KCNJ16: variants seen among roughly 807,000 people sequenced by gnomAD.
KCNJ16 encodes potassium inwardly rectifying channel subfamily J member 16.
KCNJ16 carries 15 observed loss-of-function variants against 18.5 expected under a neutral mutation model. The ratio of observed to expected loss-of-function variants is 0.81; its 90% CI spans 0.54 to 1.25. KCNJ16 has a LOEUF of 1.25. Among genes scored for constraint, KCNJ16 ranks in the 50% most tolerant of loss-of-function variants. KCNJ16 has a pLI of 0.00. For missense variants in KCNJ16, 523 were observed against 525.7 expected (o/e 0.99, Z 0.05); for synonymous variants, 174 against 186.5 (o/e 0.93, Z 0.55).
intron 2 of KCNJ16, among the ~76,000 whole-genome samples, chr17:70,103,089 C>G (rs1299536006): frequency 6.8e-6 from 1 of 146,796 alleles, no homozygotes; most frequent in African/African-American, 2.5e-5. Flanking sequence ...TGTGCACCAT[C>G]ATCCAGCTTA....
At chr17:70,129,768 C>G (rs1012371334) in intron 2 of KCNJ16, among the ~76,000 whole-genome samples, 1 of 152,090 alleles carries the variant, frequency 6.6e-6, no homozygotes, top group African/African-American at 2.4e-5. Context: ...CAAATTTGTT[C>G]ACTTGTAACT....
intron 2 of KCNJ16, among the ~76,000 whole-genome samples, chr17:70,118,547 A>G (rs1001545173): frequency 2.0e-5 from 3 of 152,144 alleles, no homozygotes; most frequent in Non-Finnish European, 2.9e-5. Flanking sequence ...GGAAACTTAC[A>G]AAATGGTGGA....
At chr17:70,119,748 T>G (rs2073556502) in intron 2 of KCNJ16, among the ~76,000 whole-genome samples, 1 of 152,344 alleles carries the variant, frequency 6.6e-6, no homozygotes, top group East Asian at 1.9e-4. Flanking sequence ...CCTAGACCTT[T>G]GGGCCTGTGA....
chr17:70,081,376 C>G (rs548776964), intron 1 of KCNJ16, among the ~76,000 whole-genome samples: 1 of 152,188 alleles, frequency 6.6e-6, no homozygotes, highest in South Asian at 2.1e-4. Context: ...TATTAGATAA[C>G]AGTATTGAGC....
chr17:70,100,142 T>C (rs2072559865), intron 1 of KCNJ16, among the ~76,000 whole-genome samples: 1 of 152,194 alleles, frequency 6.6e-6, no homozygotes, highest in African/African-American at 2.4e-5. Flanking sequence ...TGTTTGGGTC[T>C]ATCTGAAGGC....
At position 70,133,958 on chromosome 17, in the gene KCNJ16, T is replaced by G. The variant is rs1239411601; in HGVS notation, c.*614T>G. The G allele has an allele frequency of 6.0e-6, 1 of 167,210 alleles. No homozygotes were observed. Among genetic ancestry groups the G allele is most frequent in the African/African-American group, 2.4e-5 (1 of 41,454 alleles). The allele number at this position is 167,210 out of a possible 1,614,324, so 10.4% of individuals were successfully genotyped here. ...ATTCCACTGCTACTTGCCCAGGTAG[T>G]GATCAGTGAGAGTTAGAAGCAATTT... is the stretch of plus-strand genomic sequence containing the variant. On this transcript the variant is annotated 3_prime_UTR_variant, in exon 4 of 4. Transcript: ENST00000392671.
intron 1 of KCNJ16, among the ~76,000 whole-genome samples, chr17:70,085,082 G>A (rs777094874): frequency 1.7e-4 from 26 of 152,134 alleles, no homozygotes; most frequent in Non-Finnish European, 2.6e-4. Flanking sequence ...AATGACAGGT[G>A]AGCTCATCAT....
At chr17:70,110,480 G>GCACACACACACACACACACACA (rs1337834954) in intron 2 of KCNJ16, among the ~76,000 whole-genome samples, 68 of 151,116 alleles carry the variant, frequency 4.5e-4, no homozygotes, top group Admixed American at 1.8e-3. Flanking sequence ...CACTTCGTGC[G>GCACACACACACACACACACACA]CGCACACACA....
At chr17:70,111,773 A>G (rs2144015452) in intron 2 of KCNJ16, among the ~76,000 whole-genome samples, 1 of 152,176 alleles carries the variant, frequency 6.6e-6, no homozygotes, top group Non-Finnish European at 1.5e-5. Context: ...TGATGGTTTT[A>G]TAAGGGGAAA....
chr17:70,114,523 C>T (rs930395877), intron 2 of KCNJ16, among the ~76,000 whole-genome samples: 3 of 152,132 alleles, frequency 2.0e-5, no homozygotes, highest in African/African-American at 7.2e-5. Context: ...TACAAAACTA[C>T]ATGGGAGCTA....
chr17:70,125,712 C>T (rs111331910), intron 2 of KCNJ16, among the ~76,000 whole-genome samples: 1,928 of 152,190 alleles, frequency 0.013, 45 homozygotes, highest in African/African-American at 0.043. Context: ...GGGTGGATCA[C>T]GAGGTCAAGA....
At chr17:70,103,970 C>G (rs1437748697) in intron 2 of KCNJ16, among the ~76,000 whole-genome samples, 2 of 111,796 alleles carry the variant, frequency 1.8e-5, no homozygotes, top group Non-Finnish European at 3.5e-5. Context: ...GGATTTCATT[C>G]TGTCACCTGG....
intron 2 of KCNJ16, chr17:70,102,282 C>A (rs993402999): frequency 5.2e-5 from 6 of 114,404 alleles, no homozygotes; most frequent in Non-Finnish European, 8.1e-5. Flanking sequence ...GGCTGGAGTG[C>A]AGTGGCACAA....
chr17:70,119,158 G>C (rs2073532890), intron 2 of KCNJ16, among the ~76,000 whole-genome samples: 1 of 152,228 alleles, frequency 6.6e-6, no homozygotes. Context: ...CACATCCAGA[G>C]CACGCTGGTG....
intron 2 of KCNJ16, among the ~76,000 whole-genome samples, chr17:70,129,600 C>A (rs1186381408): frequency 6.6e-6 from 1 of 152,108 alleles, no homozygotes; most frequent in Non-Finnish European, 1.5e-5. Flanking sequence ...GTGTATAGAC[C>A]TAAACAGAAT....
At chr17:70,094,513 T>C (rs1374679614) in intron 1 of KCNJ16, among the ~76,000 whole-genome samples, 1 of 152,184 alleles carries the variant, frequency 6.6e-6, no homozygotes, top group Non-Finnish European at 1.5e-5. Flanking sequence ...AATAAAAGTA[T>C]GTATTTTATC....
intron 1 of KCNJ16, among the ~76,000 whole-genome samples, chr17:70,080,879 T>C (rs1328399104): frequency 6.6e-6 from 1 of 152,194 alleles, no homozygotes. Flanking sequence ...AATTGTTCGC[T>C]AGATCTCCGA....
At position 70,077,245 on chromosome 17, in the gene KCNJ16, A is replaced by G. The variant is rs2071355150; in HGVS notation, c.-300+1855A>G. Among the ~76,000 whole-genome samples the G allele has an allele frequency of 6.6e-5, 10 of 152,364 alleles. No individual in the cohort carries two copies. In the South Asian group the frequency reaches 1.7e-3, roughly 25 times the overall value. On this transcript the variant is annotated intron_variant, in intron 1 of 3. Coordinates refer to ENST00000392671, the MANE Select transcript of KCNJ16 (RefSeq NM_170741.4). ...CAAGACAGATACGATTCTGCAAGCT[A>G]CAAGTGTCAGAGAAGGTTTTTGAGA... is the stretch of plus-strand genomic sequence containing the variant.
chr17:70,123,464 T>C (rs9907022), intron 2 of KCNJ16, among the ~76,000 whole-genome samples: 11,538 of 152,184 alleles, frequency 0.076, 1,479 homozygotes, highest in African/African-American at 0.26. Context: ...CTTGGACATA[T>C]ATCTCTCCCA....
Sources: allele counts gnomAD v4.1 joint callset (sites outside exome capture counted in the v4.1 genomes callset), GRCh38; gene constraint gnomAD v4.1.1; transcripts MANE v1.5; gene names NCBI Gene and HGNC (gene_info 2026-07-23, HGNC 2026-07-21).